The following SLX9 variants were observed in gnomAD, a reference collection of about 807,000 sequenced individuals.
SLX9 encodes the protein ribosome biogenesis protein SLX9 homolog.
SLX9 carries 19 observed loss-of-function variants against 20.8 expected under a neutral mutation model. That is an observed-to-expected ratio of 0.91 (90% confidence interval 0.64 to 1.34). The LOEUF (loss-of-function observed/expected upper bound fraction) is 1.34, where lower values mean the gene tolerates loss of function less well. Ranked by LOEUF, SLX9 falls within the 40% of genes most tolerant of loss-of-function variation. The pLI, the probability that SLX9 is intolerant of heterozygous loss-of-function variation, is 0.00. For synonymous variants in SLX9, 113 were observed against 137.1 expected, an observed-to-expected ratio of 0.82 and a Z score of 1.23; for missense variants, 299 against 322.2, an observed-to-expected ratio of 0.93 and a Z score of 0.55.
intron 2 of SLX9, among the ~76,000 whole-genome samples, chr21:44,945,988 C>T (rs758294950): frequency 1.3e-5 from 2 of 151,830 alleles, no homozygotes; most frequent in Admixed American, 6.6e-5. Context: ...CCTGTCTTGG[C>T]CTCTCAAAGT....
chr21:44,973,032 G>A lies in SLX9; in HGVS notation c.501-165G>A, dbSNP rs375637924. ...CAGTTGCACTGCTTGTCCAGGTCTC[G>A]CCTCCATGGCCACAGTGCAGCTTGG... On this transcript the variant is annotated intron_variant, in intron 4 of 5. Coordinates refer to ENST00000291634, the MANE Select transcript of SLX9 (RefSeq NM_058190.4). 13 of 175,758 alleles carry A rather than the reference G, an allele frequency of 7.4e-5. 1 individual carries two copies. The highest frequency in any genetic ancestry group is 2.9e-4 in the Admixed American group (2 of 6,862). 10.9% of individuals were successfully genotyped at this position (175,758 alleles called of 1,614,324 possible). A position where few individuals can be genotyped will look rare whatever the true frequency, so the allele number is the denominator to read the frequency against.
chr21:44,961,415 C>CA (rs1415432336), intron 3 of SLX9, among the ~76,000 whole-genome samples: 2 of 152,102 alleles, frequency 1.3e-5, no homozygotes, highest in Non-Finnish European at 2.9e-5. Flanking sequence ...CTTGTCTCTA[C>CA]AAAAAATGTA....
Position 44,943,783 on chromosome 21 carries a change from G to A in SLX9, c.229G>A (p.Val77Ile), listed in dbSNP as rs576306304. 4.4e-5 allele frequency: 71 copies of A among 1,614,046 alleles called. No homozygotes were observed. Among genetic ancestry groups the A allele is most frequent in the African/African-American group, 2.4e-4 (18 of 75,026 alleles). Residue 77 changes from valine (V) to isoleucine (I), a missense_variant, in exon 2 of 6, where the codon GTC (valine) becomes ATC (isoleucine). By Grantham distance (29) the Val-to-Ile change is conservative (BLOSUM62 3). Coordinates refer to ENST00000291634, the MANE Select transcript of SLX9 (RefSeq NM_058190.4). ...LELDVRSVTS[V>I]RRGEAGSSAR... Reference sequence around the variant, plus strand: ...GCTGGACGTGAGGAGTGTCACTTCCGTCAGGAGAGGTGAGGCAGGCTCGAG... The same window carrying A: ...GCTGGACGTGAGGAGTGTCACTTCCATCAGGAGAGGTGAGGCAGGCTCGAG...
At chr21:44,949,217 G>C (rs1038304316) in intron 2 of SLX9, among the ~76,000 whole-genome samples, 2 of 152,194 alleles carry the variant, frequency 1.3e-5, no homozygotes, top group South Asian at 4.1e-4. Flanking sequence ...CGCTCCTGCT[G>C]GCTCTGTGGA....
rs2085055066 is a variant in SLX9 at position 44,967,240 on chromosome 21, T to G, written c.500+59T>G. 2.6e-6 allele frequency: 4 copies of G among 1,517,466 alleles called. No individual in the cohort carries two copies. In the Admixed American group the frequency reaches 6.6e-5, roughly 25 times the overall value. 94.0% of individuals were successfully genotyped at this position (1,517,466 alleles called of 1,614,324 possible). On this transcript the variant is annotated intron_variant, in intron 4 of 5. Transcript: ENST00000291634. ...TGTGGGGCTGACCCGGGTCCAGAGG[T>G]GGAGGGATATGAGTGGGAGCCACGG...
At chr21:44,970,851 C>T (rs73906985) in intron 4 of SLX9, among the ~76,000 whole-genome samples, 11,911 of 152,232 alleles carry the variant, frequency 0.078, 1,554 homozygotes, top group African/African-American at 0.27. Flanking sequence ...GGTCCTTGCC[C>T]CACGGCCCCT....
At chr21:44,953,343 G>T (rs2084793708) in intron 2 of SLX9, among the ~76,000 whole-genome samples, 1 of 152,198 alleles carries the variant, frequency 6.6e-6, no homozygotes, top group Non-Finnish European at 1.5e-5. Flanking sequence ...CCTAGGTGGG[G>T]CCCCCAGACT....
chr21:44,940,448 G>A (rs1400833512), intron 1 of SLX9, among the ~76,000 whole-genome samples: 1 of 152,234 alleles, frequency 6.6e-6, no homozygotes, highest in African/African-American at 2.4e-5. Context: ...GCGGTCCAGG[G>A]TTGCCACGCG....
intron 2 of SLX9, among the ~76,000 whole-genome samples, chr21:44,950,662 G>A (rs1225498389): frequency 6.6e-6 from 1 of 152,262 alleles, no homozygotes; most frequent in East Asian, 1.9e-4. Context: ...TGTTGGTGGC[G>A]CTTCTCAGGC....
At chr21:44,974,421 C>T (rs955022657) in intron 5 of SLX9, among the ~76,000 whole-genome samples, 4 of 152,156 alleles carry the variant, frequency 2.6e-5, no homozygotes, top group African/African-American at 9.7e-5. Flanking sequence ...TCTTCAGGGG[C>T]ACCAATTATG....
At chr21:44,952,493 C>T (rs2084776530) in intron 2 of SLX9, among the ~76,000 whole-genome samples, 1 of 152,268 alleles carries the variant, frequency 6.6e-6, no homozygotes, top group Admixed American at 6.5e-5. Flanking sequence ...AGAAGGTTGG[C>T]CCCAGGGCCC....
chr21:44,943,616 C>T (rs554915843), intron 1 of SLX9, 68 bp from the exon 2 acceptor site: 179 of 1,583,598 alleles, frequency 1.1e-4, no homozygotes, highest in Non-Finnish European at 1.4e-4. Flanking sequence ...TCACCTTTAA[C>T]GTCCCTCTGA....
chr21:44,950,442 G>A (rs565398361), intron 2 of SLX9, among the ~76,000 whole-genome samples: 3 of 152,348 alleles, frequency 2.0e-5, no homozygotes, highest in Non-Finnish European at 2.9e-5. Context: ...CTCCCTGTGC[G>A]TCACCTGCCT....
chr21:44,943,851 G>C lies in SLX9; in HGVS notation c.283+14G>C, dbSNP rs559028093. The C allele has an allele frequency of 5.0e-6, 8 of 1,613,744 alleles. No homozygotes were observed. Among genetic ancestry groups the C allele is most frequent in the Non-Finnish European group, 5.9e-6 (7 of 1,179,984 alleles). ...CCATCAGGAGAGGTGAGGCAGGCTC[G>C]ACGGGTTACCATGCTGATACCCAGC... On this transcript the variant is annotated intron_variant, in intron 2 of 5. Coordinates refer to ENST00000291634, the MANE Select transcript of SLX9 (RefSeq NM_058190.4).
At chr21:44,943,968 G>C (rs2084597394) in intron 2 of SLX9, 131 bp downstream of exon 2, 1 of 1,313,980 alleles carries the variant, frequency 7.6e-7, no homozygotes, top group African/African-American at 1.5e-5. Flanking sequence ...GGATGCCCCT[G>C]GCTGTTTCTT....
chr21:44,955,989 C>T (rs1050087336), intron 2 of SLX9, among the ~76,000 whole-genome samples: 1 of 152,234 alleles, frequency 6.6e-6, no homozygotes, highest in African/African-American at 2.4e-5. Flanking sequence ...AGGATATGGA[C>T]GAGGTGTCTG....
At chr21:44,949,622 G>A (rs571684904) in intron 2 of SLX9, among the ~76,000 whole-genome samples, 1 of 152,296 alleles carries the variant, frequency 6.6e-6, no homozygotes, top group East Asian at 1.9e-4. Context: ...TGCTGCTCCG[G>A]CAGCCACTCC....
At chr21:44,957,380 C>T (rs185035038) in intron 2 of SLX9, among the ~76,000 whole-genome samples, 4 of 152,326 alleles carry the variant, frequency 2.6e-5, no homozygotes, top group Admixed American at 2.0e-4. Context: ...CCCGGTGCCT[C>T]TATGCAGATC....
At chr21:44,965,843 G>GC (rs915208899) in intron 3 of SLX9, among the ~76,000 whole-genome samples, 1 of 151,982 alleles carries the variant, frequency 6.6e-6, no homozygotes, top group African/African-American at 2.4e-5. Flanking sequence ...ATCTGGCCTG[G>GC]CCCGCCCCTC....
Sources: allele counts gnomAD v4.1 joint callset (sites outside exome capture counted in the v4.1 genomes callset), GRCh38; gene constraint gnomAD v4.1.1; transcripts MANE v1.5; gene names NCBI Gene and HGNC (gene_info 2026-07-23, HGNC 2026-07-21).